Variants in ZNF460 observed in about 807,000 individuals in gnomAD.
ZNF460 encodes the protein zinc finger protein 460.
Under a neutral mutation model 8.4 loss-of-function variants are expected in ZNF460, and 1 was observed. The ratio of observed to expected loss-of-function variants is 0.12; its 90% CI spans 0.04 to 0.56. ZNF460 has a LOEUF of 0.56. ZNF460 is among the 20% of genes least tolerant of loss of function. ZNF460 has a pLI of 0.91. For synonymous variants in ZNF460, 262 were observed against 259.9 expected, an observed-to-expected ratio of 1.01 and a Z score of -0.08; for missense variants, 477 against 714.8, an observed-to-expected ratio of 0.67 and a Z score of 3.79.
rs374914464 is a variant in ZNF460, at chr19:57,292,257, A to C, written c.*27A>C. On this transcript the variant is annotated 3_prime_UTR_variant, in exon 3 of 3. Coordinates refer to ENST00000360338, the MANE Select transcript of ZNF460 (RefSeq NM_006635.4). ...AGATGTGGAAAGACTTTTTACGTAC[A>C]CTTCAGTCAACATCCAAGAATTCCT... 102 of 1,565,080 alleles carry C rather than the reference A, an allele frequency of 6.5e-5. No individual in the cohort carries two copies. The highest frequency in any genetic ancestry group is 5.1e-4 in the Middle Eastern group (3 of 5,830).
In ZNF460 at chr19:57,291,312, T is replaced by C; in HGVS notation, c.771T>C (p.Cys257=). Residue 257 remains cysteine, a synonymous_variant, in exon 3 of 3, where the codon TGT becomes TGC. Coordinates refer to ENST00000360338, the MANE Select transcript of ZNF460 (RefSeq NM_006635.4). The surrounding 1 kb of genome is among the most constrained non-coding windows in gnomAD (Gnocchi z 8.4). ...NGDKPFVCSE[C]GRTFNRGSHL... ...ATAAGCCCTTTGTGTGCAGTGAATG[T>C]GGAAGGACCTTCAATCGCGGGTCGC... The C allele has an allele frequency of 6.2e-7, 1 of 1,613,948 alleles. No individual in the cohort carries two copies. Among genetic ancestry groups the C allele is most frequent in the East Asian group, 2.2e-5 (1 of 44,850 alleles).
chr19:57,291,376 C>G lies in ZNF460; in HGVS notation c.835C>G (p.Pro279Ala). Reference protein sequence around the residue: ...RHQRVHSGEKPFVCNECGKAF... With the variant: ...RHQRVHSGEKAFVCNECGKAF... ...CCAGCGGGTTCACAGTGGAGAGAAG[C>G]CTTTTGTGTGCAATGAATGTGGAAA... is the stretch of plus-strand genomic sequence containing the variant. The change falls in exon 3 of 3, where the codon CCT becomes GCT. Residue 279 changes from proline (P) to alanine (A), a missense_variant. This residue lies in a region of ZNF460 where 193 missense variants were observed against 391.7 expected (regional missense o/e 0.49). Coordinates refer to ENST00000360338, the MANE Select transcript of ZNF460 (RefSeq NM_006635.4). This position sits in a 1 kb window ranked among gnomAD's most constrained non-coding sequence, Gnocchi z 8.4. The G allele has an allele frequency of 6.2e-7, 1 of 1,614,000 alleles. No individual in the cohort carries two copies. Among genetic ancestry groups the G allele is most frequent in the Non-Finnish European group, 8.5e-7 (1 of 1,179,980 alleles).
At position 57,293,054 on chromosome 19, in the gene ZNF460, C is replaced by G. The variant is rs1267155787; in HGVS notation, c.*824C>G. 5 of 152,116 alleles carry G rather than the reference C, an allele frequency of 3.3e-5. No individual in the cohort carries two copies. Among genetic ancestry groups the G allele is most frequent in the African/African-American group, 1.2e-4 (5 of 41,436 alleles). The allele number at this position is 152,116 out of a possible 1,614,324, so 9.4% of individuals were successfully genotyped here. A position where few individuals can be genotyped will look rare whatever the true frequency, so the allele number is the denominator to read the frequency against. ...TTGATCTGGATCTACTTGTCAATTT[C>G]TTCTTTATTTTTCTGTAGGATGGAG... is the stretch of plus-strand genomic sequence containing the variant. On this transcript the variant is annotated 3_prime_UTR_variant, in exon 3 of 3. Transcript: ENST00000360338.
chr19:57,293,602 TATC>T lies in ZNF460; in HGVS notation c.*1375_*1377del, dbSNP rs1388472179. The T allele has an allele frequency of 6.6e-6, 1 of 152,230 alleles. No individual in the cohort carries two copies. Among genetic ancestry groups the T allele is most frequent in the Non-Finnish European group, 1.5e-5 (1 of 68,042 alleles). 9.4% of individuals were successfully genotyped at this position (152,230 alleles called of 1,614,324 possible). ...AATTAGCATATCCATCTCAATCATT[TATC>T]ATTTCTTTGTGTTTAGAAACATTCA... On this transcript the variant is annotated 3_prime_UTR_variant, in exon 3 of 3. Transcript: ENST00000360338.
chr19:57,290,426 C>A (rs113783420), intron 2 of ZNF460, among the ~76,000 whole-genome samples: 33,097 of 151,800 alleles, frequency 0.22, 4,216 homozygotes, highest in Admixed American at 0.26. Flanking sequence ...TATAGCCGCC[C>A]GCCACCATGC....
At chr19:57,289,632 T>G (rs1403673547) in intron 2 of ZNF460, among the ~76,000 whole-genome samples, 1 of 152,094 alleles carries the variant, frequency 6.6e-6, no homozygotes, top group Non-Finnish European at 1.5e-5. Context: ...TAGTCTCATC[T>G]TGACTGTGAG....
chr19:57,292,076 T>C lies in ZNF460; in HGVS notation c.1535T>C (p.Val512Ala), dbSNP rs1285402818. Residue 512 changes from valine (V) to alanine (A), a missense_variant, in exon 3 of 3, where the codon GTT becomes GCT. Physicochemically the swap from Val to Ala is moderately conservative, Grantham distance 64 (BLOSUM62 0). Coordinates refer to ENST00000360338, the MANE Select transcript of ZNF460 (RefSeq NM_006635.4). ...KSHEPIQSGN[V>A]SCESTDLIQH... is the part of the protein sequence containing the mutation. ...CACGAACCCATCCAGAGTGGGAACG[T>C]TTCTTGTGAGAGCACAGATCTCATT... is the stretch of plus-strand genomic sequence containing the variant. 6.2e-7 allele frequency: 1 copy of C among 1,614,142 alleles called. No individual in the cohort carries two copies.
rs906325789 is a variant in ZNF460 at position 57,293,083 on chromosome 19, A to C, written c.*853A>C. ...TTTATTTTTCTGTAGGATGGAGATG[A>C]TATTGTAGCTGTTTGTACATAATGT... On this transcript the variant is annotated 3_prime_UTR_variant, in exon 3 of 3. Transcript: ENST00000360338. 2 of 152,196 alleles carry C rather than the reference A, an allele frequency of 1.3e-5. No homozygotes were observed. The highest frequency in any genetic ancestry group is 2.9e-5 in the Non-Finnish European group (2 of 68,030). 9.4% of individuals were successfully genotyped at this position (152,196 alleles called of 1,614,324 possible).
chr19:57,290,570 A>T, intron 2 of ZNF460, 129 bp from the exon 3 acceptor site: 1 of 934,088 alleles, frequency 1.1e-6, no homozygotes, highest in Non-Finnish European at 1.6e-6. Context: ...GAGCCACTGT[A>T]CCCAGCCCAT....
rs1317030188 is a variant in ZNF460 at position 57,291,823 on chromosome 19, G to A, written c.1282G>A (p.Ala428Thr). Residue 428 changes from alanine (A) to threonine (T), a missense_variant, in exon 3 of 3, where the codon GCT (alanine) becomes ACT (threonine). This residue lies in a region of ZNF460 where 193 missense variants were observed against 391.7 expected (regional missense o/e 0.49). Transcript: ENST00000360338. This position sits in a 1 kb window ranked among gnomAD's most constrained non-coding sequence, Gnocchi z 8.4. ...KPYECLQCGKAFTRMSGLTRH... is the reference protein window; with the variant it reads ...KPYECLQCGKTFTRMSGLTRH... ...CTATGAGTGTTTACAGTGTGGAAAGGCTTTTACCCGCATGTCAGGGCTCAC... is the reference window on the plus strand; with the variant it reads ...CTATGAGTGTTTACAGTGTGGAAAGACTTTTACCCGCATGTCAGGGCTCAC... 6.2e-7 allele frequency: 1 copy of A among 1,613,974 alleles called. No homozygotes were observed. Among genetic ancestry groups the A allele is most frequent in the African/African-American group, 1.3e-5 (1 of 74,922 alleles).
rs2087833542 is a variant in ZNF460, at chr19:57,280,889, C to T, written c.30+53C>T. 6.8e-6 allele frequency: 11 copies of T among 1,610,372 alleles called. No individual in the cohort carries two copies. The East Asian group carries it at 2.5e-4, about 36-fold the overall frequency. ...GCTGCTGTGCTATTTCTAGAGGCCT[C>T]GTGGGCAGGCTGGAAGCCAAGACAG... On this transcript the variant is annotated intron_variant, in intron 1 of 2. Coordinates refer to ENST00000360338, the MANE Select transcript of ZNF460 (RefSeq NM_006635.4).
intron 1 of ZNF460, among the ~76,000 whole-genome samples, 191 bp downstream of exon 1, chr19:57,281,027 G>A (rs1287272403): frequency 6.6e-6 from 1 of 152,172 alleles, no homozygotes; most frequent in African/African-American, 2.4e-5. Flanking sequence ...TGTTCAGTCC[G>A]TGGTTGAAGG....
At chr19:57,284,813 A>AAAT in intron 2 of ZNF460, 136 bp downstream of exon 2, 1 of 633,570 alleles carries the variant, frequency 1.6e-6, no homozygotes, top group Non-Finnish European at 2.1e-6. Flanking sequence ...GCTTTACTCT[A>AAAT]TTTTTTTTTT....
Position 57,293,951 on chromosome 19 carries a change from C to T in ZNF460, c.*1721C>T, listed in dbSNP as rs1389030986. ...TATTTTTCATGGCTGAGTAGTATTC[C>T]ATTGTGTATATATGCCATGTTTTCT... On this transcript the variant is annotated 3_prime_UTR_variant, in exon 3 of 3. Transcript: ENST00000360338. 2.0e-5 allele frequency: 3 copies of T among 152,146 alleles called. No individual in the cohort carries two copies. The highest frequency in any genetic ancestry group is 2.9e-5 in the Non-Finnish European group (2 of 68,032). 9.4% of individuals were successfully genotyped at this position (152,146 alleles called of 1,614,324 possible). A position where few individuals can be genotyped will look rare whatever the true frequency, so the allele number is the denominator to read the frequency against.
intron 1 of ZNF460, 62 bp downstream of exon 1, chr19:57,280,898 G>C (rs2087833577): frequency 1.2e-6 from 2 of 1,606,074 alleles, no homozygotes; most frequent in Non-Finnish European, 1.7e-6. Context: ...TCGTGGGCAG[G>C]CTGGAAGCCA....
chr19:57,292,600 G>A lies in ZNF460; in HGVS notation c.*370G>A, dbSNP rs2087926925. 5.9e-6 allele frequency: 1 copy of A among 168,470 alleles called. No homozygotes were observed. Among genetic ancestry groups the A allele is most frequent in the Admixed American group, 5.7e-5 (1 of 17,538 alleles). 10.4% of individuals were successfully genotyped at this position (168,470 alleles called of 1,614,324 possible). On this transcript the variant is annotated 3_prime_UTR_variant, in exon 3 of 3. Transcript: ENST00000360338. ...GGGACATTCAAACAAAGGAGGAGGA[G>A]TCATAGGGAAGAGAAAGAAATGGAA...
At chr19:57,285,556 CTTAA>C (rs1354790212) in intron 2 of ZNF460, among the ~76,000 whole-genome samples, 3 of 152,180 alleles carry the variant, frequency 2.0e-5, no homozygotes, top group African/African-American at 2.4e-5. Flanking sequence ...ACCTCAGAAA[CTTAA>C]TTAATTCAGT....
intron 2 of ZNF460, among the ~76,000 whole-genome samples, chr19:57,285,225 T>C (rs779028494): frequency 6.6e-6 from 1 of 152,180 alleles, no homozygotes; most frequent in Non-Finnish European, 1.5e-5. Context: ...GAGGGATGTG[T>C]TACCAGGAAA....
At chr19:57,290,627 C>T in intron 2 of ZNF460, 72 bp from the exon 3 acceptor site, 1 of 1,379,076 alleles carries the variant, frequency 7.3e-7, no homozygotes, top group South Asian at 1.4e-5. Context: ...TCTTATTGTT[C>T]TCACCAAAAA....
Sources: gnomAD v4.1 joint callset for allele counts (sites outside exome capture counted in the v4.1 genomes callset) on GRCh38, gnomAD v4.1.1 for gene constraint, gnomAD v4.1.1 regional missense constraint, Gnocchi (gnomAD v3.1) non-coding constraint, MANE v1.5 for transcripts, NCBI Gene and HGNC (gene_info 2026-07-23, HGNC 2026-07-21) for gene names.